TRMT44: variants seen among roughly 807,000 people sequenced by gnomAD.
TRMT44 encodes the protein probable tRNA (uracil-O(2)-)-methyltransferase.
Under a neutral mutation model 77.3 loss-of-function variants are expected in TRMT44, and 78 were observed. The ratio of observed to expected loss-of-function variants is 1.01; its 90% CI spans 0.84 to 1.22. The LOEUF (loss-of-function observed/expected upper bound fraction) is 1.22. TRMT44 is among the 50% of genes most tolerant of loss of function. The pLI is 0.00. For synonymous variants in TRMT44, 391 were observed against 383.3 expected, an observed-to-expected ratio of 1.02 and a Z score of -0.23; for missense variants, 1,090 against 964.4, an observed-to-expected ratio of 1.13 and a Z score of -1.73.
intron 1 of TRMT44, among the ~76,000 whole-genome samples, 170 bp downstream of exon 1, chr4:8,441,611 C>T (rs1285863071): frequency 1.3e-5 from 2 of 152,278 alleles, no homozygotes; most frequent in South Asian, 2.1e-4. Context: ...GTCCTTAGTA[C>T]AGAAGATGGG....
At position 8,451,151 on chromosome 4, in the gene TRMT44, A is replaced by G. The variant is rs1200937261; in HGVS notation, c.955-809A>G. On this transcript the variant is annotated intron_variant, in intron 3 of 10. Coordinates refer to ENST00000389737, the MANE Select transcript of TRMT44 (RefSeq NM_152544.3). The surrounding 1 kb of genome is among the most constrained non-coding windows in gnomAD (Gnocchi z 4.1). ...AGGCTTAAAGCTGTGACCTTTCATT[A>G]TTGCTGAAGCACCTGTGGGTCCCCG... is the stretch of plus-strand genomic sequence containing the variant. Among the ~76,000 whole-genome samples, 1 of 151,900 alleles carries G rather than the reference A, an allele frequency of 6.6e-6. No homozygotes were observed. Among genetic ancestry groups the G allele is most frequent in the Admixed American group, 6.6e-5 (1 of 15,254 alleles).
chr4:8,515,519 G>T, the TRMT44 span, among the ~76,000 whole-genome samples: 1 of 152,272 alleles, frequency 6.6e-6, no homozygotes, highest in Non-Finnish European at 1.5e-5. Context: ...GGAACAGCAA[G>T]TGTCACCAGG....
downstream of TRMT44, chr4:8,479,154 GC>G (rs1173040541): frequency 6.6e-6 from 1 of 152,152 alleles, no homozygotes; most frequent in East Asian, 1.9e-4. Context: ...GTGCAGAAGA[GC>G]CTTGTGTAGG....
chr4:8,513,591 A>G, the TRMT44 span, among the ~76,000 whole-genome samples: 126,567 of 152,232 alleles, frequency 0.83, 52,733 homozygotes, highest in East Asian at 0.92. Flanking sequence ...CATGGAGAAT[A>G]AACAGATGTC....
At chr4:8,472,675 G>C (rs893434854) in intron 10 of TRMT44, among the ~76,000 whole-genome samples, 2 of 152,298 alleles carry the variant, frequency 1.3e-5, no homozygotes, top group East Asian at 1.9e-4. Flanking sequence ...GCTGTTGGGT[G>C]GGGGGCCGGT....
Position 8,441,292 on chromosome 4 carries a change from A to T in TRMT44, c.470A>T (p.Asn157Ile). 1 of 1,535,490 alleles carries T rather than the reference A, an allele frequency of 6.5e-7. No individual in the cohort carries two copies. The highest frequency in any genetic ancestry group is 8.7e-7 in the Non-Finnish European group (1 of 1,146,654). Residue 157 changes from asparagine to isoleucine, a missense_variant, in exon 1 of 11, where the codon AAT (asparagine) becomes ATT (isoleucine). Physicochemically the swap from Asn to Ile is moderately radical, Grantham distance 149 (BLOSUM62 -3). Transcript: ENST00000389737. Reference sequence around the variant, plus strand: ...TTCTCCCAAAGTCTCGCCCGTGGCAATTCGGAGTTGCTGGCCTTCCTCACC... The same window carrying T: ...TTCTCCCAAAGTCTCGCCCGTGGCATTTCGGAGTTGCTGGCCTTCCTCACC... ...EDFSQSLARG[N>I]SELLAFLTSS...
chr4:8,465,139 G>A (rs2631769), intron 7 of TRMT44, among the ~76,000 whole-genome samples: 98,848 of 151,980 alleles, frequency 0.65, 32,966 homozygotes, highest in African/African-American at 0.81. Context: ...GGGTCATGGG[G>A]TCTGTCTTAC....
At chr4:8,457,411 A>C (rs1725874300) in intron 6 of TRMT44, among the ~76,000 whole-genome samples, 1 of 152,152 alleles carries the variant, frequency 6.6e-6, no homozygotes, top group Non-Finnish European at 1.5e-5. Context: ...TACCTTTTAA[A>C]GTTCTGTTGA....
At chr4:8,485,435 A>T (rs1727773257) in intron 2 of TRMT44, among the ~76,000 whole-genome samples, 1 of 152,148 alleles carries the variant, frequency 6.6e-6, no homozygotes, top group Admixed American at 6.5e-5. Context: ...AATTGTAAGG[A>T]GAGTTTATAG....
chr4:8,452,835 T>A lies in TRMT44; in HGVS notation c.1024-47T>A, dbSNP rs1328593198. ...AGTTTGTGTCTAAATTATTCTTGCGTAGAGTGAATTACCACCTGACTTTGT... is the reference window on the plus strand; with the variant it reads ...AGTTTGTGTCTAAATTATTCTTGCGAAGAGTGAATTACCACCTGACTTTGT... On this transcript the variant is annotated intron_variant, in intron 4 of 10. Coordinates refer to ENST00000389737, the MANE Select transcript of TRMT44 (RefSeq NM_152544.3). The surrounding 1 kb of genome is among the most constrained non-coding windows in gnomAD (Gnocchi z 5.7). 8.8e-7 allele frequency: 1 copy of A among 1,139,982 alleles called. No homozygotes were observed. The highest frequency in any genetic ancestry group is 2.3e-5 in the Admixed American group (1 of 44,434). 70.6% of individuals were successfully genotyped at this position (1,139,982 alleles called of 1,614,324 possible).
chr4:8,449,964 T>C lies in TRMT44; in HGVS notation c.954+76T>C, dbSNP rs1438575963. 60 of 821,660 alleles carry C rather than the reference T, an allele frequency of 7.3e-5. 6 individuals carry two copies. The highest frequency in any genetic ancestry group is 2.6e-4 in the South Asian group (12 of 45,770). 50.9% of individuals were successfully genotyped at this position (821,660 alleles called of 1,614,324 possible). ...CTTTTCTTTTCTTTTTTTTTTTTTT[T>C]TTTTTTTTTTGCGACAGTCTTGTTC... On this transcript the variant is annotated intron_variant, in intron 3 of 10. Coordinates refer to ENST00000389737, the MANE Select transcript of TRMT44 (RefSeq NM_152544.3).
At position 8,487,182 on chromosome 4, in the gene TRMT44, C is replaced by T. The variant is rs1397933409; in HGVS notation, n.3892-6084C>T. Among the ~76,000 whole-genome samples, 7 of 152,132 alleles carry T rather than the reference C, an allele frequency of 4.6e-5. No individual in the cohort carries two copies. In the East Asian group the frequency reaches 5.8e-4, roughly 13 times the overall value. ...TTTTCTGGCTATTTGGAACTACTGT[C>T]GAGTTTGTATTGGGGTCAAGCGGCA... On this transcript the variant is annotated intron_variant and non_coding_transcript_variant, in intron 2 of 2. Coordinates refer to the TRMT44 transcript ENST00000511366.
chr4:8,514,134 T>A, the TRMT44 span, among the ~76,000 whole-genome samples: 1 of 151,816 alleles, frequency 6.6e-6, no homozygotes, highest in Non-Finnish European at 1.5e-5. Context: ...GTTCCACACG[T>A]GCAACAGAAG....
At chr4:8,459,127 G>A (rs1326881218) in intron 6 of TRMT44, among the ~76,000 whole-genome samples, 1 of 152,174 alleles carries the variant, frequency 6.6e-6, no homozygotes, top group East Asian at 1.9e-4. Flanking sequence ...ACCTGAGTTT[G>A]GGAGGTTGAG....
intron 1 of TRMT44, among the ~76,000 whole-genome samples, chr4:8,443,785 C>T (rs1724895769): frequency 6.6e-6 from 1 of 151,950 alleles, no homozygotes; most frequent in Admixed American, 6.6e-5. Flanking sequence ...ATGGTGAAAC[C>T]CCGTCTCTAC....
At chr4:8,493,659 T>C (rs1728077110), downstream of TRMT44, 1 of 152,208 alleles carries the variant, frequency 6.6e-6, no homozygotes, top group Admixed American at 6.5e-5. Context: ...CTTCAGTCTA[T>C]GTTGGATCCA....
At position 8,461,225 on chromosome 4, in the gene TRMT44, A is replaced by T. The variant is rs930605752; in HGVS notation, c.1204-2760A>T. Reference sequence around the variant, plus strand: ...TTGGCAGTTGCTTGTCCACTCATACATTACATTAGGAAATGTTTTCAAAAC... The same window carrying T: ...TTGGCAGTTGCTTGTCCACTCATACTTTACATTAGGAAATGTTTTCAAAAC... On this transcript the variant is annotated intron_variant, in intron 6 of 10. Transcript: ENST00000389737. The surrounding 1 kb of genome is among the most constrained non-coding windows in gnomAD (Gnocchi z 4.6). Among the ~76,000 whole-genome samples the T allele has an allele frequency of 4.6e-5, 7 of 150,964 alleles. No homozygotes were observed. The highest frequency in any genetic ancestry group is 8.8e-5 in the Non-Finnish European group (6 of 68,030).
In TRMT44 at chr4:8,451,453, A is replaced by G. The variant is rs370651701; in HGVS notation, c.955-507A>G. Among the ~76,000 whole-genome samples the G allele has an allele frequency of 9.8e-5, 15 of 152,344 alleles. No individual in the cohort carries two copies. The highest frequency in any genetic ancestry group is 3.4e-4 in the African/African-American group (14 of 41,582). On this transcript the variant is annotated intron_variant, in intron 3 of 10. Transcript: ENST00000389737. The surrounding 1 kb of genome is among the most constrained non-coding windows in gnomAD (Gnocchi z 4.1). ...AATGAGAGCTCATGTTTGCACAGCTAGTGCTTTACAGTTTTCAGAGCACCT... is the reference window on the plus strand; with the variant it reads ...AATGAGAGCTCATGTTTGCACAGCTGGTGCTTTACAGTTTTCAGAGCACCT...
chr4:8,446,595 G>A lies in TRMT44; in HGVS notation c.734+5G>A, dbSNP rs775300230. ...CAGTCATAGCAAAGAAGAATGGTAA[G>A]AGCTGGACAGTGGACTCCTAGTTTT... On this transcript the variant is annotated splice_donor_5th_base_variant and intron_variant, in intron 2 of 10. Coordinates refer to ENST00000389737, the MANE Select transcript of TRMT44 (RefSeq NM_152544.3). The surrounding 1 kb of genome is among the most constrained non-coding windows in gnomAD (Gnocchi z 4.3). 38 of 1,517,914 alleles carry A rather than the reference G, an allele frequency of 2.5e-5. No homozygotes were observed. The South Asian group carries it at 4.6e-4, about 18-fold the overall frequency. The allele number at this position is 1,517,914 out of a possible 1,614,324, so 94.0% of individuals were successfully genotyped here.
Sources: allele counts gnomAD v4.1 joint callset (sites outside exome capture counted in the v4.1 genomes callset), GRCh38; gene constraint gnomAD v4.1.1; non-coding constraint Gnocchi (gnomAD v3.1); transcripts MANE v1.5; gene names NCBI Gene and HGNC (gene_info 2026-07-23, HGNC 2026-07-21).